Variants in NEK10 observed in about 807,000 individuals in gnomAD.
NEK10 encodes NIMA related kinase 10.
Under a neutral mutation model 159.8 loss-of-function variants are expected in NEK10, and 122 were observed. That is an observed-to-expected ratio of 0.76 (90% CI 0.66 to 0.89). NEK10 has a LOEUF of 0.89. Among genes scored for constraint, NEK10 ranks in the 40% least tolerant of loss-of-function variants. The pLI is 0.00. For synonymous variants in NEK10, 466 were observed against 457.1 expected (o/e 1.02, Z -0.25); for missense variants, 1,342 against 1,323.1 (o/e 1.01, Z -0.22).
intron 19 of NEK10, among the ~76,000 whole-genome samples, chr3:27,288,176 A>G (rs933096871): frequency 1.8e-4 from 28 of 152,218 alleles, no homozygotes; most frequent in Admixed American, 5.9e-4. Flanking sequence ...ATATTTATGG[A>G]AAGTTTGTGC....
At position 27,243,832 on chromosome 3, in the gene NEK10, TGTG is replaced by T. The variant is rs542998738; in HGVS notation, c.2090+12461_2090+12463del. On this transcript the variant is annotated intron_variant, in intron 23 of 35. Coordinates refer to ENST00000691995, the MANE Select transcript of NEK10 (RefSeq NM_001394966.1). ...TTCTACACTTGACTGACACCATGGGTGTGTGTGTGTGTGTGTGTGTGTGTGTGT... is the reference window on the plus strand; with the variant it reads ...TTCTACACTTGACTGACACCATGGGTTGTGTGTGTGTGTGTGTGTGTGTGT... 6.8e-3 allele frequency among the ~76,000 whole-genome samples: 176 copies of T among 25,902 alleles called. No homozygotes were observed. The African/African-American group carries it at 0.13, about 19-fold the overall frequency. 17.0% of individuals were successfully genotyped at this position (25,902 alleles called of 152,430 possible).
chr3:27,264,155 C>A (rs78164210), intron 22 of NEK10, among the ~76,000 whole-genome samples: 1 of 152,094 alleles, frequency 6.6e-6, no homozygotes, highest in African/African-American at 2.4e-5. Flanking sequence ...CAAATCTCAC[C>A]AAGACACTGC....
At chr3:27,160,984 T>C (rs1045825930) in intron 30 of NEK10, among the ~76,000 whole-genome samples, 2 of 152,178 alleles carry the variant, frequency 1.3e-5, no homozygotes, top group African/African-American at 4.8e-5. Flanking sequence ...AAGAATTAGA[T>C]GATATAGCAA....
intron 23 of NEK10, among the ~76,000 whole-genome samples, chr3:27,221,472 T>C (rs1468901625): frequency 1.3e-5 from 2 of 152,156 alleles, no homozygotes; most frequent in Non-Finnish European, 2.9e-5. Flanking sequence ...TTGGCAAACA[T>C]GTAGGAGATT....
chr3:27,297,115 C>T (rs2043411474), intron 14 of NEK10, 64 bp downstream of exon 14: 1 of 994,458 alleles, frequency 1.0e-6, no homozygotes, highest in Non-Finnish European at 1.6e-6. Context: ...ATACAGACTG[C>T]ACCACAAGGT....
intron 26 of NEK10, among the ~76,000 whole-genome samples, chr3:27,187,821 G>GGAGAAATTCAACGTT (rs1948761433): frequency 6.6e-6 from 1 of 151,704 alleles, no homozygotes; most frequent in African/African-American, 2.4e-5. Flanking sequence ...TAGGTATTTT[G>GGAGAAATTCAACGTT]GAGAAATTCA....
intron 5 of NEK10, among the ~76,000 whole-genome samples, chr3:27,341,849 T>C (rs1390353290): frequency 2.0e-5 from 3 of 152,124 alleles, no homozygotes; most frequent in Non-Finnish European, 4.4e-5. Flanking sequence ...GGGTCACACT[T>C]CACAAATGAG....
At chr3:27,132,725 T>A (rs1301189513) in intron 31 of NEK10, among the ~76,000 whole-genome samples, 1 of 152,070 alleles carries the variant, frequency 6.6e-6, no homozygotes, top group Non-Finnish European at 1.5e-5. Flanking sequence ...GAAGTGACAT[T>A]TAGAAGAAGG....
intron 22 of NEK10, among the ~76,000 whole-genome samples, chr3:27,266,085 G>A (rs558536259): frequency 1.2e-4 from 18 of 152,226 alleles, no homozygotes; most frequent in South Asian, 6.2e-4. Context: ...GATTACAGGC[G>A]TGAGCCACTG....
chr3:27,202,346 C>G, intron 24 of NEK10, 82 bp downstream of exon 24: 1 of 1,382,030 alleles, frequency 7.2e-7, no homozygotes, highest in African/African-American at 1.4e-5. Context: ...CAGTTATATA[C>G]AAATCACAAA....
intron 8 of NEK10, 140 bp downstream of exon 8, chr3:27,311,959 T>C: frequency 3.0e-6 from 2 of 659,584 alleles, no homozygotes; most frequent in Non-Finnish European, 5.5e-6. Context: ...AATATAACAA[T>C]TGGCCTGGAT....
At position 27,119,884 on chromosome 3, in the gene NEK10, C is replaced by T; in HGVS notation, c.3082-16G>A. On this transcript the variant is annotated splice_polypyrimidine_tract_variant and intron_variant, in intron 32 of 35. Transcript: ENST00000691995. ...CCTGAGATAACTGAAATAGAAAAAGCAAAATCACATCTTAGTTTACACTCA... is the reference window on the plus strand; with the variant it reads ...CCTGAGATAACTGAAATAGAAAAAGTAAAATCACATCTTAGTTTACACTCA... 6.3e-7 allele frequency: 1 copy of T among 1,581,656 alleles called. No homozygotes were observed. Among genetic ancestry groups the T allele is most frequent in the Non-Finnish European group, 8.7e-7 (1 of 1,150,624 alleles).
At chr3:27,186,558 C>T (rs182649958) in intron 26 of NEK10, among the ~76,000 whole-genome samples, 6 of 152,198 alleles carry the variant, frequency 3.9e-5, no homozygotes, top group East Asian at 1.9e-4. Flanking sequence ...TGGAGATACA[C>T]GGAGAGTTTG....
Position 27,307,813 on chromosome 3 carries a change from C to G in NEK10, c.803+46G>C, listed in dbSNP as rs144184226. 1.2e-3 allele frequency: 1,086 copies of G among 871,296 alleles called. 3 individuals carry two copies. In the African/African-American group the frequency reaches 0.015, roughly 12 times the overall value. 54.0% of individuals were successfully genotyped at this position (871,296 alleles called of 1,614,324 possible). A position where few individuals can be genotyped will look rare whatever the true frequency, so the allele number is the denominator to read the frequency against. On this transcript the variant is annotated intron_variant, in intron 11 of 35. Coordinates refer to ENST00000691995, the MANE Select transcript of NEK10 (RefSeq NM_001394966.1). ...TAAAAATAATAACAAGTGTATCTGT[C>G]AAATAAAGGCACTGCATTGTCTTTT...
intron 6 of NEK10, among the ~76,000 whole-genome samples, chr3:27,315,268 G>A (rs1192029948): frequency 6.6e-6 from 1 of 152,088 alleles, no homozygotes; most frequent in Non-Finnish European, 1.5e-5. Flanking sequence ...CATGAGCGTG[G>A]GAGAGAACAG....
At chr3:27,299,109 G>T (rs982224279) in intron 13 of NEK10, among the ~76,000 whole-genome samples, 3 of 152,184 alleles carry the variant, frequency 2.0e-5, no homozygotes, top group African/African-American at 7.2e-5. Flanking sequence ...TTTCTCCAGG[G>T]TGTGTCAGAG....
At chr3:27,290,547 C>T (rs1223572976) in intron 19 of NEK10, 70 bp downstream of exon 19, 1 of 1,169,006 alleles carries the variant, frequency 8.6e-7, no homozygotes, top group Non-Finnish European at 1.2e-6. Flanking sequence ...GACAAGAGCA[C>T]CACAACTCTA....
intron 23 of NEK10, among the ~76,000 whole-genome samples, chr3:27,229,678 A>C (rs1953025024): frequency 6.6e-6 from 1 of 152,196 alleles, no homozygotes; most frequent in South Asian, 2.1e-4. Context: ...AGGAAAAACC[A>C]ATCAGAACTT....
chr3:27,304,753 A>G lies in NEK10; in HGVS notation c.1022T>C (p.Leu341Ser). ...WGGIKQLLHI[L>S]QGDRNFVSDH... is the part of the protein sequence containing the mutation. The stretch of plus-strand genomic sequence containing the variant: ...AAAGCCCACTTTTACTCACCCTTGT[A>G]AAATATGAAGAAGCTGTTTGATGCC... The change falls in exon 12 of 36, where the codon TTA becomes TCA. Residue 341 changes from leucine to serine, a missense_variant. Transcript: ENST00000691995. 1 of 1,610,176 alleles carries G rather than the reference A, an allele frequency of 6.2e-7. No individual in the cohort carries two copies. The highest frequency in any genetic ancestry group is 1.1e-5 in the South Asian group (1 of 90,994).
Sources: allele counts gnomAD v4.1 joint callset (sites outside exome capture counted in the v4.1 genomes callset), GRCh38; gene constraint gnomAD v4.1.1; transcripts MANE v1.5; gene names NCBI Gene and HGNC (gene_info 2026-07-23, HGNC 2026-07-21).